CENPK: variants seen among roughly 807,000 people sequenced by gnomAD.
CENPK encodes centromere protein K.
Under a neutral mutation model 40.9 loss-of-function variants are expected in CENPK, and 46 were observed. The observed-to-expected ratio is 1.13, with a 90% CI of 0.89 to 1.44. The LOEUF is 1.44. Among genes scored for constraint, CENPK ranks in the 40% most tolerant of loss-of-function variants. The probability of loss-of-function intolerance (pLI) is 0.00; values close to 1 mark genes in which losing one functional copy is unlikely to be tolerated. For missense variants in CENPK, 288 were observed against 303.5 expected (o/e 0.95, Z 0.38); for synonymous variants, 107 against 104.4 (o/e 1.02, Z -0.15).
chr5:65,518,342 G>T lies in CENPK; in HGVS notation c.*133C>A. 1 of 804,522 alleles carries T rather than the reference G, an allele frequency of 1.2e-6. No homozygotes were observed. The highest frequency in any genetic ancestry group is 1.9e-6 in the Non-Finnish European group (1 of 512,852). 49.8% of individuals were successfully genotyped at this position (804,522 alleles called of 1,614,324 possible). A position where few individuals can be genotyped will look rare whatever the true frequency, so the allele number is the denominator to read the frequency against. On this transcript the variant is annotated 3_prime_UTR_variant, in exon 11 of 11. Coordinates refer to ENST00000396679, the MANE Select transcript of CENPK (RefSeq NM_022145.5). ...AAATGAATAATAGATGGCAGCACATGCCATTTTGCAATAAAAGTAAGATGG... is the reference window on the plus strand; with the variant it reads ...AAATGAATAATAGATGGCAGCACATTCCATTTTGCAATAAAAGTAAGATGG...
chr5:65,497,735 TG>T, the CENPK span, among the ~76,000 whole-genome samples: 1 of 152,200 alleles, frequency 6.6e-6, no homozygotes, highest in Non-Finnish European at 1.5e-5. Flanking sequence ...GGCAGGACAG[TG>T]GCTCACGCCT....
chr5:65,541,307 G>T, intron 6 of CENPK: 1 of 438,856 alleles, frequency 2.3e-6, no homozygotes, highest in South Asian at 1.6e-5. Context: ...CTGAAACCGG[G>T]GTCAGGCATG....
At chr5:65,556,617 T>C (rs906636148) in intron 2 of CENPK, among the ~76,000 whole-genome samples, 1 of 152,226 alleles carries the variant, frequency 6.6e-6, no homozygotes, top group Non-Finnish European at 1.5e-5. Context: ...CTAAGGTTAA[T>C]TTATTATTGA....
At chr5:65,510,056 C>T in the CENPK span, among the ~76,000 whole-genome samples, 1 of 152,100 alleles carries the variant, frequency 6.6e-6, no homozygotes, top group Non-Finnish European at 1.5e-5. Context: ...TGAAATAGGC[C>T]AATTAATAAC....
intron 6 of CENPK, among the ~76,000 whole-genome samples, chr5:65,533,359 A>AAATAAATAAATAAATAAATAAATG (rs1746247967): frequency 6.6e-6 from 1 of 151,504 alleles, no homozygotes; most frequent in East Asian, 1.9e-4. Flanking sequence ...CAAAATAAAT[A>AAATAAATAAATAAATAAATAAATG]AATAAATAAA....
At chr5:65,527,658 A>C (rs1744970296) in intron 9 of CENPK, among the ~76,000 whole-genome samples, 1 of 150,980 alleles carries the variant, frequency 6.6e-6, no homozygotes. Flanking sequence ...AACTTACATT[A>C]ATCTGTAACA....
At chr5:65,506,219 T>TA in the CENPK span, among the ~76,000 whole-genome samples, 82 of 143,056 alleles carry the variant, frequency 5.7e-4, no homozygotes, top group African/African-American at 5.7e-4. Flanking sequence ...TCCCATTTCT[T>TA]AAAAAAAAAA....
intron 5 of CENPK, among the ~76,000 whole-genome samples, chr5:65,544,868 G>A (rs981793040): frequency 2.6e-5 from 4 of 152,118 alleles, no homozygotes; most frequent in African/African-American, 9.7e-5. Flanking sequence ...CCAGGGCTGG[G>A]GGATGATGGA....
At chr5:65,528,369 C>T (rs1745117513) in intron 9 of CENPK, 83 bp downstream of exon 9, 2 of 1,270,646 alleles carry the variant, frequency 1.6e-6, no homozygotes, top group Admixed American at 5.7e-5. Flanking sequence ...TACCTTTGAA[C>T]TAAATAAGAA....
chr5:65,541,420 A>C (rs767407253), intron 6 of CENPK: 9 of 456,150 alleles, frequency 2.0e-5, no homozygotes, highest in South Asian at 1.4e-4. Context: ...GTAGGAGAGA[A>C]TCATCATCTG....
chr5:65,529,377 T>G, intron 6 of CENPK, 178 bp from the exon 7 acceptor site: 1 of 503,184 alleles, frequency 2.0e-6, no homozygotes, highest in Non-Finnish European at 3.5e-6. Flanking sequence ...TGTGGTAATA[T>G]TCTATGGTTA....
At chr5:65,546,289 A>C (rs1227751710) in intron 5 of CENPK, among the ~76,000 whole-genome samples, 2 of 152,322 alleles carry the variant, frequency 1.3e-5, no homozygotes, top group East Asian at 3.9e-4. Context: ...TACAGACGTG[A>C]GCCACCACAC....
chr5:65,538,809 T>C (rs1287194646), intron 6 of CENPK, among the ~76,000 whole-genome samples: 3 of 152,206 alleles, frequency 2.0e-5, no homozygotes, highest in African/African-American at 7.2e-5. Flanking sequence ...TATCATATAC[T>C]TCCGGTTCTC....
Position 65,542,442 on chromosome 5 carries a change from G to A in CENPK, c.288+360C>T, listed in dbSNP as rs1446857773. Among the ~76,000 whole-genome samples, 3 of 152,122 alleles carry A rather than the reference G, an allele frequency of 2.0e-5. No individual in the cohort carries two copies. In the East Asian group the frequency reaches 5.8e-4, roughly 29 times the overall value. On this transcript the variant is annotated intron_variant, in intron 6 of 10. Coordinates refer to ENST00000396679, the MANE Select transcript of CENPK (RefSeq NM_022145.5). ...TCACGAAGTCAGGAGTTCAAGACCA[G>A]CCTGGCTAGCATACTGAAATCCCGT...
the CENPK span, among the ~76,000 whole-genome samples, chr5:65,503,661 CTT>C: frequency 2.1e-5 from 3 of 142,904 alleles, no homozygotes; most frequent in Non-Finnish European, 3.1e-5. Flanking sequence ...ACTTGCTAAA[CTT>C]TTTTTTTTTT....
At chr5:65,519,774 C>A (rs1743384156) in intron 10 of CENPK, among the ~76,000 whole-genome samples, 1 of 152,070 alleles carries the variant, frequency 6.6e-6, no homozygotes, top group South Asian at 2.1e-4. Flanking sequence ...AGGAAAAAAG[C>A]TTTGGCCTCA....
chr5:65,517,514 A>G (rs1412927558), downstream of CENPK, among the ~76,000 whole-genome samples: 1 of 152,212 alleles, frequency 6.6e-6, no homozygotes, highest in African/African-American at 2.4e-5. Flanking sequence ...GGGATTTGGT[A>G]TACTTCAAAT....
At chr5:65,499,569 A>G in the CENPK span, among the ~76,000 whole-genome samples, 2 of 151,320 alleles carry the variant, frequency 1.3e-5, no homozygotes, top group Non-Finnish European at 2.9e-5. Context: ...CTTTTTACCA[A>G]ATTTGGGAAA....
chr5:65,537,159 A>T (rs1747060155), intron 6 of CENPK, among the ~76,000 whole-genome samples: 1 of 152,232 alleles, frequency 6.6e-6, no homozygotes, highest in African/African-American at 2.4e-5. Context: ...TTAAAGTGAG[A>T]GGAAACATTA....
Sources: allele counts gnomAD v4.1 joint callset (sites outside exome capture counted in the v4.1 genomes callset), GRCh38; gene constraint gnomAD v4.1.1; transcripts MANE v1.5; gene names NCBI Gene and HGNC (gene_info 2026-07-23, HGNC 2026-07-21).